The following HEBP2 variants were observed in gnomAD, a reference collection of about 807,000 sequenced individuals.
HEBP2 encodes heme-binding protein 2.
In HEBP2, 27 loss-of-function variants were observed where a neutral mutation model predicts 23.1. The ratio of observed to expected loss-of-function variants is 1.17; its 90% CI spans 0.86 to 1.61. The LOEUF (loss-of-function observed/expected upper bound fraction) is 1.61, where lower values mean the gene tolerates loss of function less well. Ranked by LOEUF, HEBP2 falls within the 40% of genes most tolerant of loss-of-function variation. The pLI, the probability that HEBP2 is intolerant of heterozygous loss-of-function variation, is 0.00. For missense variants in HEBP2, 245 were observed against 253.8 expected, an observed-to-expected ratio of 0.97 and a Z score of 0.24; for synonymous variants, 99 against 95.1, an observed-to-expected ratio of 1.04 and a Z score of -0.24.
rs1774805256 is a variant in HEBP2 at position 138,414,303 on chromosome 6, A to T, written c.*1225A>T. On this transcript the variant is annotated 3_prime_UTR_variant, in exon 4 of 4. Transcript: ENST00000607197. ...GCGGACCTTATGCAGGGTTTTAGGAAGGATTAACAGACTTTCAAAAGCATT... is the reference window on the plus strand; with the variant it reads ...GCGGACCTTATGCAGGGTTTTAGGATGGATTAACAGACTTTCAAAAGCATT... 1 of 152,238 alleles carries T rather than the reference A, an allele frequency of 6.6e-6. No individual in the cohort carries two copies. Among genetic ancestry groups the T allele is most frequent in the African/African-American group, 2.4e-5 (1 of 41,454 alleles). The allele number at this position is 152,238 out of a possible 1,614,324, so 9.4% of individuals were successfully genotyped here.
At chr6:138,406,517 A>T (rs1774648507) in intron 3 of HEBP2, among the ~76,000 whole-genome samples, 1 of 152,226 alleles carries the variant, frequency 6.6e-6, no homozygotes, top group Non-Finnish European at 1.5e-5. Context: ...TGAAAAACAG[A>T]AATTTCTCTC....
intron 3 of HEBP2, among the ~76,000 whole-genome samples, chr6:138,409,368 G>A (rs1252969336): frequency 6.6e-6 from 1 of 151,732 alleles, no homozygotes; most frequent in African/African-American, 2.4e-5. Context: ...CAATGTTCCT[G>A]ACAATTGATT....
At chr6:138,405,875 GT>G in intron 2 of HEBP2, 95 bp from the exon 3 acceptor site, 1 of 982,980 alleles carries the variant, frequency 1.0e-6, no homozygotes, top group Non-Finnish European at 1.5e-6. Flanking sequence ...TGTCAACAAT[GT>G]GAAGTAAATC....
Position 138,407,337 on chromosome 6 carries a change from T to C in HEBP2, c.419+1186T>C, listed in dbSNP as rs866069861. Among the ~76,000 whole-genome samples, 7 of 152,366 alleles carry C rather than the reference T, an allele frequency of 4.6e-5. No homozygotes were observed. The South Asian group carries it at 1.4e-3, about 32-fold the overall frequency. ...GGACAGACATAGGATAAATACTGCATTCCAAAGGAAGAAATGGGAAAAAAG... is the reference window on the plus strand; with the variant it reads ...GGACAGACATAGGATAAATACTGCACTCCAAAGGAAGAAATGGGAAAAAAG... On this transcript the variant is annotated intron_variant, in intron 3 of 3. Coordinates refer to ENST00000607197, the MANE Select transcript of HEBP2 (RefSeq NM_014320.3).
In HEBP2 at chr6:138,405,288, C is replaced by A; in HGVS notation, c.238+8C>A. ...AAGGCAAAAACGAGAAAGGTAAAAG[C>A]AGTTTTCCTTGTAATTATGCATATT... On this transcript the variant is annotated splice_region_variant and intron_variant, in intron 2 of 3. Transcript: ENST00000607197. The A allele has an allele frequency of 6.2e-7, 1 of 1,613,978 alleles. No homozygotes were observed. The highest frequency in any genetic ancestry group is 1.1e-5 in the South Asian group (1 of 91,064).
chr6:138,404,635 C>A, intron 1 of HEBP2, 38 bp downstream of exon 1: 1 of 1,227,770 alleles, frequency 8.1e-7, no homozygotes, highest in Non-Finnish European at 1.0e-6. Flanking sequence ...CTGGGCCCGC[C>A]TTCCGGCTGA....
rs142649597 is a variant in HEBP2, at chr6:138,412,993, G to A, written c.533G>A (p.Gly178Asp). The A allele has an allele frequency of 4.9e-4, 793 of 1,613,952 alleles. 2 individuals are homozygous for A. Among genetic ancestry groups the A allele is most frequent in the South Asian group, 9.8e-4 (89 of 91,078 alleles). The change falls in exon 4 of 4, where the codon GGC (glycine) becomes GAC (aspartate). Residue 178 changes from glycine (G) to aspartate (D), a missense_variant. Coordinates refer to ENST00000607197, the MANE Select transcript of HEBP2 (RefSeq NM_014320.3). ...GATGAGAAGGTTTACTACACTGCAG[G>A]CTACAACAGTCCTGTCAAATTGCTT... The part of the protein sequence containing the change: ...VFDEKVYYTA[G>D]YNSPVKLLNR...
chr6:138,404,048 CCCGCGGTTCCCAGCGCGGGCGG>C (rs1305539942), upstream of HEBP2, among the ~76,000 whole-genome samples: 1 of 151,934 alleles, frequency 6.6e-6, no homozygotes, highest in Non-Finnish European at 1.5e-5. Context: ...CGGCTCAGCG[CCCGCGGTTCCCAGCGCGGGCGG>C]GGCCGCGGCA....
chr6:138,404,431 CG>C lies in HEBP2; in HGVS notation c.-61del. ...CCTCGGCGGGGCGCGCACACGCAGG[CG>C]GGGCGGCCCGGGGTGCGGGGCCTCT... is the stretch of plus-strand genomic sequence containing the variant. On this transcript the variant is annotated 5_prime_UTR_variant, in exon 1 of 4. Transcript: ENST00000607197. 9.2e-7 allele frequency: 1 copy of C among 1,085,278 alleles called. No homozygotes were observed. The highest frequency in any genetic ancestry group is 1.2e-6 in the Non-Finnish European group (1 of 860,832). The allele number at this position is 1,085,278 out of a possible 1,614,324, so 67.2% of individuals were successfully genotyped here. A position where few individuals can be genotyped will look rare whatever the true frequency, so the allele number is the denominator to read the frequency against.
intron 2 of HEBP2, 133 bp downstream of exon 2, chr6:138,405,413 C>G (rs1774627240): frequency 1.8e-6 from 2 of 1,099,542 alleles, no homozygotes. Context: ...GTCTTGTTTT[C>G]AGACAAGACT....
chr6:138,404,662 C>T (rs1774606080), intron 1 of HEBP2, 65 bp downstream of exon 1: 4 of 1,023,568 alleles, frequency 3.9e-6, no homozygotes, highest in East Asian at 6.5e-5. Context: ...GTGAGGCCAG[C>T]GGGTCCCATA....
In HEBP2 at chr6:138,418,177, G is replaced by GA. The variant is rs1334465499; in HGVS notation, c.*5105dup. Reference sequence around the variant, plus strand: ...AATATAAATTATGGCCCATAATTAGGAAAAAAGGGTAATCATTAGAAGTAG... The same window carrying GA: ...AATATAAATTATGGCCCATAATTAGGAAAAAAAGGGTAATCATTAGAAGTAG... On this transcript the variant is annotated 3_prime_UTR_variant, in exon 4 of 4. Coordinates refer to ENST00000607197, the MANE Select transcript of HEBP2 (RefSeq NM_014320.3). 2 of 151,884 alleles carry GA rather than the reference G, an allele frequency of 1.3e-5. No homozygotes were observed. The highest frequency in any genetic ancestry group is 4.8e-5 in the African/African-American group (2 of 41,390). The allele number at this position is 151,884 out of a possible 1,614,324, so 9.4% of individuals were successfully genotyped here.
intron 2 of HEBP2, 128 bp downstream of exon 2, chr6:138,405,408 G>A (rs1774627188): frequency 2.5e-6 from 3 of 1,206,388 alleles, no homozygotes; most frequent in Non-Finnish European, 2.3e-6. Context: ...GACTTGTCTT[G>A]TTTTCAGACA....
Position 138,413,242 on chromosome 6 carries a change from C to T in HEBP2, c.*164C>T. On this transcript the variant is annotated 3_prime_UTR_variant, in exon 4 of 4. Transcript: ENST00000607197. ...TTTTTAATGCTTGAAGTTTTATCTACATACACAGGTAACAGAGGACAGTAG... is the reference window on the plus strand; with the variant it reads ...TTTTTAATGCTTGAAGTTTTATCTATATACACAGGTAACAGAGGACAGTAG... The T allele has an allele frequency of 1.7e-6, 1 of 604,150 alleles. No individual in the cohort carries two copies. Among genetic ancestry groups the T allele is most frequent in the East Asian group, 2.8e-5 (1 of 35,642 alleles). 37.4% of individuals were successfully genotyped at this position (604,150 alleles called of 1,614,324 possible). A position where few individuals can be genotyped will look rare whatever the true frequency, so the allele number is the denominator to read the frequency against.
chr6:138,404,522 C>G lies in HEBP2; in HGVS notation c.27C>G (p.Pro9=). 1 of 1,314,066 alleles carries G rather than the reference C, an allele frequency of 7.6e-7. No homozygotes were observed. The highest frequency in any genetic ancestry group is 2.1e-5 in the South Asian group (1 of 47,938). The allele number at this position is 1,314,066 out of a possible 1,614,324, so 81.4% of individuals were successfully genotyped here. ...TGGCCGAGCCGCTCCAGCCAGACCC[C>G]GGGGCGGCCGAGGACGCGGCGGCCC... The part of the protein sequence containing the change: MAEPLQPD[P]GAAEDAAAQA... The change falls in exon 1 of 4, where the codon CCC becomes CCG. Residue 9 remains proline (P), a synonymous_variant. Coordinates refer to ENST00000607197, the MANE Select transcript of HEBP2 (RefSeq NM_014320.3).
Position 138,421,353 on chromosome 6 carries a change from T to G in HEBP2, c.*8275T>G, listed in dbSNP as rs969232441. The G allele has an allele frequency of 6.6e-6, 1 of 152,134 alleles. No individual in the cohort carries two copies. The highest frequency in any genetic ancestry group is 1.5e-5 in the Non-Finnish European group (1 of 68,024). The allele number at this position is 152,134 out of a possible 1,614,324, so 9.4% of individuals were successfully genotyped here. On this transcript the variant is annotated 3_prime_UTR_variant, in exon 4 of 4. Coordinates refer to ENST00000607197, the MANE Select transcript of HEBP2 (RefSeq NM_014320.3). Reference sequence around the variant, plus strand: ...AGAAAGACGGAGACACAGAAACGTCTCCTTTTCACTGTGATTCTCCTAAGG... The same window carrying G: ...AGAAAGACGGAGACACAGAAACGTCGCCTTTTCACTGTGATTCTCCTAAGG...
At chr6:138,403,534 C>G, upstream of HEBP2, 1 of 480,696 alleles carries the variant, frequency 2.1e-6, no homozygotes. Flanking sequence ...CACGTCGCCC[C>G]GGAGAGCCTC....
intron 3 of HEBP2, among the ~76,000 whole-genome samples, chr6:138,408,837 C>G (rs57046361): frequency 0.087 from 13,310 of 152,146 alleles, 1,749 homozygotes; most frequent in African/African-American, 0.29. Flanking sequence ...TCAACTCCCT[C>G]AGTCGAATGA....
At position 138,417,066 on chromosome 6, in the gene HEBP2, A is replaced by C. The variant is rs1378582674; in HGVS notation, c.*3988A>C. ...CCTGGATACGTCAGGGTCCAAGTTA[A>C]CGTCTGATACCCAGAAACCCAAAGA... On this transcript the variant is annotated 3_prime_UTR_variant, in exon 4 of 4. Coordinates refer to ENST00000607197, the MANE Select transcript of HEBP2 (RefSeq NM_014320.3). The C allele has an allele frequency of 6.6e-6, 1 of 152,178 alleles. No homozygotes were observed. The highest frequency in any genetic ancestry group is 1.5e-5 in the Non-Finnish European group (1 of 68,022). The allele number at this position is 152,178 out of a possible 1,614,324, so 9.4% of individuals were successfully genotyped here. A position where few individuals can be genotyped will look rare whatever the true frequency, so the allele number is the denominator to read the frequency against.
Sources: allele counts gnomAD v4.1 joint callset (sites outside exome capture counted in the v4.1 genomes callset), GRCh38; gene constraint gnomAD v4.1.1; transcripts MANE v1.5; gene names NCBI Gene and HGNC (gene_info 2026-07-23, HGNC 2026-07-21).